GRIA3: variants seen among roughly 807,000 people sequenced by gnomAD.
GRIA3 encodes the protein glutamate receptor 3.
A neutral mutation model predicts 63.0 loss-of-function variants in GRIA3; 3 were observed. That is an observed-to-expected ratio of 0.05 (90% CI 0.02 to 0.12). The LOEUF is 0.12. Among genes scored for constraint, GRIA3 ranks in the 10% least tolerant of loss-of-function variants. The pLI, the probability that GRIA3 is intolerant of heterozygous loss-of-function variation, is 1.00. For missense variants in GRIA3, 347 were observed against 700.9 expected, an observed-to-expected ratio of 0.50 and a Z score of 5.70; for synonymous variants, 274 against 257.9, an observed-to-expected ratio of 1.06 and a Z score of -0.60.
chrX:123,199,851 A>C (rs1254548907), intron 2 of GRIA3, among the ~76,000 whole-genome samples: 7 of 112,101 alleles, frequency 6.2e-5, no homozygotes, highest in Non-Finnish European at 1.3e-4. Flanking sequence ...ATAGTCAAAA[A>C]TGAGCAAAAC....
chrX:123,336,716 C>T (rs1287271375), intron 4 of GRIA3, among the ~76,000 whole-genome samples: 5 of 111,694 alleles, frequency 4.5e-5, no homozygotes, highest in Non-Finnish European at 1.9e-5. Flanking sequence ...TAAAGGACTC[C>T]AGTATTAAGC....
At chrX:123,379,620 G>GTTTTTTTTTTTTTTTTTTTTTCAATTTT (rs369507360) in intron 5 of GRIA3, among the ~76,000 whole-genome samples, 1 of 68,015 alleles carries the variant, frequency 1.5e-5, no homozygotes, top group African/African-American at 5.7e-5. Flanking sequence ...CTAGCAACTT[G>GTTTTTTTTTTTTTTTTTTTTTCAATTTT]TTTTTTTTTT....
chrX:123,413,941 A>T (rs1171489264), intron 10 of GRIA3, among the ~76,000 whole-genome samples: 1 of 112,261 alleles, frequency 8.9e-6, no homozygotes, highest in African/African-American at 3.2e-5. Flanking sequence ...GTAGTCTTTC[A>T]TAACAGAGAG....
intron 10 of GRIA3, among the ~76,000 whole-genome samples, chrX:123,406,595 A>T (rs1273490540): frequency 8.0e-5 from 9 of 111,812 alleles, no homozygotes; most frequent in African/African-American, 2.9e-4. Context: ...GACCCCAGAT[A>T]TAAAAACTGG....
At chrX:123,293,318 C>A (rs190149203) in intron 3 of GRIA3, among the ~76,000 whole-genome samples, 319 of 111,578 alleles carry the variant, frequency 2.9e-3, no homozygotes, top group African/African-American at 9.5e-3. Context: ...TGTTACAAAG[C>A]ACCCAGTATA....
chrX:123,267,389 G>A (rs780045138), intron 3 of GRIA3, among the ~76,000 whole-genome samples: 69 of 111,844 alleles, frequency 6.2e-4, no homozygotes, highest in Non-Finnish European at 1.0e-3. Context: ...CCTTAGTCAT[G>A]GGTTTCTGGC....
intron 12 of GRIA3, among the ~76,000 whole-genome samples, chrX:123,436,972 G>A (rs1175327665): frequency 9.1e-6 from 1 of 110,275 alleles, no homozygotes; most frequent in African/African-American, 3.3e-5. Context: ...TGACCGTAAG[G>A]ATCAAGTAAA....
chrX:123,411,559 T>A (rs2045506511), intron 10 of GRIA3, among the ~76,000 whole-genome samples: 1 of 111,320 alleles, frequency 9.0e-6, no homozygotes, highest in Admixed American at 9.6e-5. Flanking sequence ...GTTTTTAAGT[T>A]TTATAACATT....
chrX:123,445,362 T>C (rs1406012335), intron 12 of GRIA3, among the ~76,000 whole-genome samples: 1 of 111,794 alleles, frequency 8.9e-6, no homozygotes, highest in Non-Finnish European at 1.9e-5. Context: ...GGGTTCAATA[T>C]TTTTTCACTC....
intron 11 of GRIA3, among the ~76,000 whole-genome samples, chrX:123,423,932 C>T (rs1026959371): frequency 2.7e-5 from 3 of 111,562 alleles, no homozygotes; most frequent in Non-Finnish European, 3.8e-5. Context: ...ATTTGATGTA[C>T]GTATTTTGCA....
intron 3 of GRIA3, among the ~76,000 whole-genome samples, chrX:123,309,361 T>C (rs1341544227): frequency 7.2e-4 from 63 of 87,239 alleles, no homozygotes; most frequent in African/African-American, 3.1e-3. Flanking sequence ...AGAGATACTC[T>C]GGAAAAAAAA....
At chrX:123,431,838 A>G (rs1209020703) in intron 12 of GRIA3, among the ~76,000 whole-genome samples, 2 of 112,471 alleles carry the variant, frequency 1.8e-5, no homozygotes, top group Admixed American at 1.9e-4. Flanking sequence ...AATTATTTAT[A>G]CATTTATATG....
chrX:123,358,790 A>C (rs1225064852), intron 5 of GRIA3: 2 of 112,006 alleles, frequency 1.8e-5, no homozygotes, highest in Non-Finnish European at 3.8e-5. Context: ...GCAGCCTCTC[A>C]ATCTCTCATG....
At chrX:123,385,293 A>G (rs2045348326) in intron 5 of GRIA3, among the ~76,000 whole-genome samples, 1 of 111,843 alleles carries the variant, frequency 8.9e-6, no homozygotes, top group Admixed American at 9.5e-5. Flanking sequence ...AGTTTTGCTG[A>G]AGATCAGATG....
At chrX:123,337,070 G>A (rs1478228013) in intron 4 of GRIA3, among the ~76,000 whole-genome samples, 3 of 112,236 alleles carry the variant, frequency 2.7e-5, no homozygotes, top group Admixed American at 9.4e-5. Flanking sequence ...TCTCAAGAGA[G>A]GGAAACTGAT....
At chrX:123,308,641 ATTC>A (rs2044770146) in intron 3 of GRIA3, among the ~76,000 whole-genome samples, 1 of 111,420 alleles carries the variant, frequency 9.0e-6, no homozygotes, top group Non-Finnish European at 1.9e-5. Flanking sequence ...AGTGTAGAGT[ATTC>A]TTCTTAGGAC....
intron 10 of GRIA3, among the ~76,000 whole-genome samples, chrX:123,409,162 T>G (rs1051051222): frequency 1.8e-5 from 2 of 112,104 alleles, no homozygotes; most frequent in African/African-American, 6.5e-5. Context: ...GAAATATTTC[T>G]TGCAGTGAAC....
At chrX:123,269,619 T>C (rs1190865692) in intron 3 of GRIA3, among the ~76,000 whole-genome samples, 1 of 111,744 alleles carries the variant, frequency 8.9e-6, no homozygotes, top group Non-Finnish European at 1.9e-5. Flanking sequence ...GGACAACGTC[T>C]CTCAGACATC....
At chrX:123,376,062 T>C (rs2045283065) in intron 5 of GRIA3, among the ~76,000 whole-genome samples, 1 of 111,652 alleles carries the variant, frequency 9.0e-6, no homozygotes, top group Non-Finnish European at 1.9e-5. Flanking sequence ...TATGGAAAAA[T>C]GGTCTCCTAA....
Sources: gnomAD v4.1 joint callset for allele counts (sites outside exome capture counted in the v4.1 genomes callset) on GRCh38, gnomAD v4.1.1 for gene constraint, MANE v1.5 for transcripts, NCBI Gene and HGNC (gene_info 2026-07-23, HGNC 2026-07-21) for gene names.